Variants in LIMCH1 observed in about 807,000 individuals in gnomAD.
LIMCH1 encodes the protein LIM and calponin homology domains 1.
In LIMCH1, 113 loss-of-function variants were observed where a neutral mutation model predicts 176.5. The observed-to-expected ratio is 0.64, with a 90% CI of 0.55 to 0.75. LIMCH1 has a LOEUF of 0.75. Among genes scored for constraint, LIMCH1 ranks in the 30% least tolerant of loss-of-function variants. The probability of loss-of-function intolerance (pLI) is 0.00; values close to 1 mark genes in which losing one functional copy is unlikely to be tolerated. For synonymous variants in LIMCH1, 619 were observed against 645.9 expected (o/e 0.96, Z 0.63); for missense variants, 1,674 against 1,814.9 (o/e 0.92, Z 1.41).
Position 41,631,402 on chromosome 4 carries a change from A to G in LIMCH1, c.1526A>G (p.Asp509Gly), listed in dbSNP as rs752758221. ...TGTCATGGCAGCAAGATTCAAATGG[A>G]CTCTGTGTCTCCTGTCTCAGCGGCC... The part of the protein sequence containing the change: ...VICHGSKIQM[D>G]SVSPVSAATS... Residue 509 changes from aspartate (D) to glycine (G), a missense_variant, in exon 10 of 32, where the codon GAC (aspartate) becomes GGC (glycine). Physicochemically the swap from Asp to Gly is moderately conservative, Grantham distance 94. Around this residue, in one of 3 missense-constraint regions of LIMCH1, gnomAD observed 655 missense variants for 692.2 expected, o/e 0.95. Transcript: ENST00000503057. 6.5e-7 allele frequency: 1 copy of G among 1,535,986 alleles called. No individual in the cohort carries two copies. Among genetic ancestry groups the G allele is most frequent in the East Asian group, 2.4e-5 (1 of 40,904 alleles).
At chr4:41,644,011 C>T (rs2093943817) in intron 14 of LIMCH1, among the ~76,000 whole-genome samples, 1 of 152,170 alleles carries the variant, frequency 6.6e-6, no homozygotes, top group Non-Finnish European at 1.5e-5. Flanking sequence ...CCTCCATTCA[C>T]ATAGGAAGCC....
intron 5 of LIMCH1, among the ~76,000 whole-genome samples, chr4:41,615,763 C>A (rs1561930745): frequency 6.6e-6 from 1 of 152,144 alleles, no homozygotes; most frequent in Admixed American, 6.5e-5. Context: ...GAATTTATTT[C>A]CTAGGACTCA....
chr4:41,521,243 T>G (rs950283401), intron 2 of LIMCH1, among the ~76,000 whole-genome samples: 10 of 152,316 alleles, frequency 6.6e-5, no homozygotes, highest in African/African-American at 2.4e-4. Flanking sequence ...AGGTGAAAAC[T>G]GTCCCAGCTG....
intron 1 of LIMCH1, among the ~76,000 whole-genome samples, chr4:41,558,556 G>A (rs2081615741): frequency 6.6e-6 from 1 of 151,996 alleles, no homozygotes; most frequent in Non-Finnish European, 1.5e-5. Flanking sequence ...TACCGTCCCA[G>A]CCCTTCCCTC....
intron 1 of LIMCH1, among the ~76,000 whole-genome samples, chr4:41,431,663 A>G (rs1259429851): frequency 6.6e-6 from 1 of 152,186 alleles, no homozygotes; most frequent in Non-Finnish European, 1.5e-5. Context: ...CTTCGCAAAG[A>G]TCTTATTTTA....
At chr4:41,507,855 G>A (rs1253400438) in intron 2 of LIMCH1, among the ~76,000 whole-genome samples, 1 of 141,668 alleles carries the variant, frequency 7.1e-6, no homozygotes, top group African/African-American at 2.6e-5. Context: ...ATGTAATGGT[G>A]GTGGTGGGAG....
At position 41,431,116 on chromosome 4, in the gene LIMCH1, A is replaced by G. The variant is rs148706686; in HGVS notation, c.97-63420A>G. ...TTTCCAGTGTTGGGCTCACAGCCCC[A>G]TGCTTCTTGTCTGCTTCCTAGTGGG... On this transcript the variant is annotated intron_variant, in intron 1 of 26. Transcript: ENST00000313860. 4.6e-3 allele frequency among the ~76,000 whole-genome samples: 696 copies of G among 152,350 alleles called. 3 individuals carry two copies. The highest frequency in any genetic ancestry group is 0.015 in the African/African-American group (639 of 41,582).
At chr4:41,656,442 A>G (rs542789941) in intron 18 of LIMCH1, among the ~76,000 whole-genome samples, 1 of 152,220 alleles carries the variant, frequency 6.6e-6, no homozygotes, top group Non-Finnish European at 1.5e-5. Context: ...AGATGCATTT[A>G]CAGATTTCGA....
chr4:41,399,685 CTT>C (rs56174007), intron 1 of LIMCH1, among the ~76,000 whole-genome samples: 3 of 95,788 alleles, frequency 3.1e-5, no homozygotes, highest in African/African-American at 4.4e-5. Flanking sequence ...GGTGGATACT[CTT>C]TTTTTTTTTT....
rs1185177916 is a variant in LIMCH1, at chr4:41,629,576, C to T, written c.1113C>T (p.Leu371=). The T allele has an allele frequency of 1.3e-6, 2 of 1,536,072 alleles. No homozygotes were observed. The highest frequency in any genetic ancestry group is 2.4e-5 in the East Asian group (1 of 40,914). The change falls in exon 9 of 32, where the codon CTC becomes CTT. Residue 371 remains leucine, a synonymous_variant. Coordinates refer to ENST00000503057, the MANE Select transcript of LIMCH1 (RefSeq NM_001330672.2). ...AQESEPVEGG[L]RKVPDLHKDD... ...AAAGTGAACCTGTGGAAGGAGGACTCAGGAAGGTGCCAGATCTTCACAAGG... is the reference window on the plus strand; with the variant it reads ...AAAGTGAACCTGTGGAAGGAGGACTTAGGAAGGTGCCAGATCTTCACAAGG...
intron 2 of LIMCH1, among the ~76,000 whole-genome samples, chr4:41,511,826 A>G (rs2074961480): frequency 2.0e-5 from 3 of 152,244 alleles, no homozygotes; most frequent in African/African-American, 7.2e-5. Flanking sequence ...TTAGAATAAA[A>G]CATGGCAGTA....
chr4:41,518,259 C>G (rs2075787164), intron 2 of LIMCH1, among the ~76,000 whole-genome samples: 1 of 152,168 alleles, frequency 6.6e-6, no homozygotes, highest in East Asian at 1.9e-4. Context: ...TAGATGGTCT[C>G]ATAAGGTACC....
At chr4:41,535,162 C>CAAAAAAAAAAAAAAA (rs61639965), upstream of LIMCH1, among the ~76,000 whole-genome samples, 9 of 83,966 alleles carry the variant, frequency 1.1e-4, no homozygotes, top group East Asian at 4.2e-4. Context: ...GACCCTGTCA[C>CAAAAAAAAAAAAAAA]AAAAAAAAAA....
At chr4:41,573,703 C>CT (rs59998597) in intron 1 of LIMCH1, among the ~76,000 whole-genome samples, 3,305 of 152,208 alleles carry the variant, frequency 0.022, 121 homozygotes, top group African/African-American at 0.076. Context: ...CATAAACCTT[C>CT]TTTTTTTCCT....
In LIMCH1 at chr4:41,632,741, G is replaced by T. The variant is rs568625488; in HGVS notation, c.1602-8G>T. The T allele has an allele frequency of 2.6e-6, 4 of 1,534,200 alleles. No homozygotes were observed. The African/African-American group carries it at 5.5e-5, about 21-fold the overall frequency. On this transcript the variant is annotated splice_polypyrimidine_tract_variant and splice_region_variant and intron_variant, in intron 10 of 31. Transcript: ENST00000503057. ...CTCTTGCCACCAATGCTACTTGATC[G>T]TCTGCAGAACAATGAATTGTGGCCG...
chr4:41,403,207 G>A (rs548667969), intron 1 of LIMCH1, among the ~76,000 whole-genome samples: 3 of 152,048 alleles, frequency 2.0e-5, no homozygotes. Context: ...TTCTCCTGGG[G>A]GTGGTGGGGG....
At chr4:41,689,480 G>A in intron 29 of LIMCH1, 47 bp from the exon 30 acceptor site, 1 of 983,346 alleles carries the variant, frequency 1.0e-6, no homozygotes, top group Non-Finnish European at 1.6e-6. Context: ...GTTTGACCAG[G>A]TATTCTAAAC....
upstream of LIMCH1, among the ~76,000 whole-genome samples, chr4:41,533,726 C>T (rs1446024199): frequency 1.3e-5 from 2 of 151,936 alleles, no homozygotes; most frequent in Non-Finnish European, 2.9e-5. Context: ...CAAGAAAGAC[C>T]AAGGAAGAAA....
rs1021578723 is a variant in LIMCH1, at chr4:41,416,682, A to G, written c.96+55746A>G. ...CAAAAACAAAAAAAAAAAAAAGAAA[A>G]TTTTATCACTAGGTTATTTGTTAAA... On this transcript the variant is annotated intron_variant, in intron 1 of 26. Transcript: ENST00000313860. Among the ~76,000 whole-genome samples, 10 of 151,476 alleles carry G rather than the reference A, an allele frequency of 6.6e-5. 1 individual carries two copies. The highest frequency in any genetic ancestry group is 2.1e-4 in the South Asian group (1 of 4,804).
Sources: allele counts gnomAD v4.1 joint callset (sites outside exome capture counted in the v4.1 genomes callset), GRCh38; gene constraint gnomAD v4.1.1; regional missense constraint gnomAD v4.1.1; transcripts MANE v1.5; gene names NCBI Gene and HGNC (gene_info 2026-07-23, HGNC 2026-07-21).